Variants in ECM2 observed in about 807,000 individuals in gnomAD.
The protein encoded by ECM2 is extracellular matrix protein 2, female organ and adipocyte specific.
Under a neutral mutation model 67.5 loss-of-function variants are expected in ECM2, and 57 were observed. That is an observed-to-expected ratio of 0.84 (90% CI 0.68 to 1.05). The LOEUF is 1.05. Ranked by LOEUF, ECM2 falls within the 50% of genes least tolerant of loss-of-function variation. The pLI, the probability that ECM2 is intolerant of heterozygous loss-of-function variation, is 0.00. For synonymous variants in ECM2, 258 were observed against 294.5 expected, an observed-to-expected ratio of 0.88 and a Z score of 1.27; for missense variants, 741 against 822.8, an observed-to-expected ratio of 0.90 and a Z score of 1.22.
the ECM2 span, among the ~76,000 whole-genome samples, chr9:92,548,040 T>G: frequency 6.6e-6 from 1 of 152,234 alleles, no homozygotes; most frequent in Non-Finnish European, 1.5e-5. Context: ...CCAAAAGAAT[T>G]TTCAGATAAA....
chr9:92,559,041 C>T, the ECM2 span, among the ~76,000 whole-genome samples: 2 of 152,116 alleles, frequency 1.3e-5, no homozygotes, highest in Non-Finnish European at 2.9e-5. Flanking sequence ...AAAACTTACC[C>T]GAGGCTGTCC....
At chr9:92,498,475 C>T (rs763070875) in intron 9 of ECM2, among the ~76,000 whole-genome samples, 76 of 151,884 alleles carry the variant, frequency 5.0e-4, no homozygotes, top group Middle Eastern at 3.4e-3. Flanking sequence ...TAAAAAAAGA[C>T]AATCATAGAA....
the ECM2 span, among the ~76,000 whole-genome samples, chr9:92,551,925 G>GTGTA: frequency 2.2e-3 from 184 of 84,510 alleles, 10 homozygotes; most frequent in African/African-American, 8.0e-3. Flanking sequence ...TGGTGTGTGT[G>GTGTA]TATATATATA....
chr9:92,526,156 AG>A (rs1199429492), intron 1 of ECM2, among the ~76,000 whole-genome samples: 1 of 152,158 alleles, frequency 6.6e-6, no homozygotes, highest in Non-Finnish European at 1.5e-5. Context: ...CAAGATATGG[AG>A]GGGGAAGACA....
chr9:92,552,190 TACAC>T, the ECM2 span, among the ~76,000 whole-genome samples: 434 of 106,440 alleles, frequency 4.1e-3, 12 homozygotes, highest in African/African-American at 0.014. Flanking sequence ...ATCTATCATA[TACAC>T]ACACACACAC....
chr9:92,505,532 C>T lies in ECM2; in HGVS notation c.1464+1G>A. 6.3e-7 allele frequency: 1 copy of T among 1,588,348 alleles called. No individual in the cohort carries two copies. Among genetic ancestry groups the T allele is most frequent in the Non-Finnish European group, 8.5e-7 (1 of 1,172,296 alleles). On this transcript the variant is annotated splice_donor_variant, in intron 7 of 9. Transcript: ENST00000344604. LOFTEE classifies it high-confidence loss of function. ...AAAACACTAAAAAAATATATTGTTACCTCAATAGAACCAGGAAGACCCTGC... is the reference window on the plus strand; with the variant it reads ...AAAACACTAAAAAAATATATTGTTATCTCAATAGAACCAGGAAGACCCTGC...
chr9:92,541,880 G>A, the ECM2 span, among the ~76,000 whole-genome samples: 108 of 152,006 alleles, frequency 7.1e-4, no homozygotes, highest in African/African-American at 2.2e-3. Flanking sequence ...TGCAACCTCC[G>A]CCTCCCAGGT....
At chr9:92,514,527 A>C in intron 4 of ECM2, 104 bp downstream of exon 4, 1 of 1,435,606 alleles carries the variant, frequency 7.0e-7, no homozygotes, top group Non-Finnish European at 9.3e-7. Context: ...TGGCCACCTC[A>C]GCCTTTCAAA....
Position 92,514,651 on chromosome 9 carries a change from A to G in ECM2, c.1034T>C (p.Ile345Thr), listed in dbSNP as rs775195975. Residue 345 changes from isoleucine to threonine, a missense_variant, in exon 4 of 10, where the codon ATA becomes ACA. Physicochemically the swap from Ile to Thr is moderately conservative, Grantham distance 89. Transcript: ENST00000344604. ...CTTACCAGTGAGCTCCAGACTTGTTATCTGTGGTGCTGTCAGCGGTGGTAT... is the reference window on the plus strand; with the variant it reads ...CTTACCAGTGAGCTCCAGACTTGTTGTCTGTGGTGCTGTCAGCGGTGGTAT... The part of the protein sequence containing the change: ...TQIPPLTAPQ[I>T]TSLELTGNSI... 6 of 1,587,574 alleles carry G rather than the reference A, an allele frequency of 3.8e-6. No homozygotes were observed. The highest frequency in any genetic ancestry group is 5.2e-6 in the Non-Finnish European group (6 of 1,164,684).
At chr9:92,542,174 A>C in the ECM2 span, among the ~76,000 whole-genome samples, 1 of 152,196 alleles carries the variant, frequency 6.6e-6, no homozygotes, top group Non-Finnish European at 1.5e-5. Context: ...GAACCTCCAT[A>C]CAGTATTCTA....
the ECM2 span, among the ~76,000 whole-genome samples, chr9:92,546,910 T>TATA: frequency 6.6e-6 from 1 of 152,200 alleles, no homozygotes; most frequent in African/African-American, 2.4e-5. Context: ...CACAGGTCTC[T>TATA]ATATTCTTCA....
rs1014529131 is a variant in ECM2, at chr9:92,495,399, A to G, written c.*916T>C. On this transcript the variant is annotated 3_prime_UTR_variant, in exon 10 of 10. Coordinates refer to ENST00000344604, the MANE Select transcript of ECM2 (RefSeq NM_001393.4). ...CTTTATTTCAATTGAACCGAATAAA[A>G]TGATGTATTTCAGTAAATTAAGGCA... The G allele has an allele frequency of 3.0e-6, 3 of 984,918 alleles. No individual in the cohort carries two copies. In the African/African-American group the frequency reaches 5.2e-5, roughly 17 times the overall value. The allele number at this position is 984,918 out of a possible 1,614,324, so 61.0% of individuals were successfully genotyped here. A position where few individuals can be genotyped will look rare whatever the true frequency, so the allele number is the denominator to read the frequency against.
chr9:92,499,160 G>T (rs1300911110), intron 9 of ECM2, among the ~76,000 whole-genome samples: 3 of 152,194 alleles, frequency 2.0e-5, no homozygotes, highest in Non-Finnish European at 2.9e-5. Context: ...CCATTGTCCA[G>T]ATGACTGCAA....
At chr9:92,513,136 C>T (rs1335093656) in intron 4 of ECM2, among the ~76,000 whole-genome samples, 2 of 152,168 alleles carry the variant, frequency 1.3e-5, no homozygotes, top group Non-Finnish European at 2.9e-5. Flanking sequence ...GACGAATGCT[C>T]CTGCTGCTCC....
At chr9:92,493,925 G>A, downstream of ECM2, 1 of 531,058 alleles carries the variant, frequency 1.9e-6, no homozygotes, top group Non-Finnish European at 3.3e-6. Context: ...TGCTCCACAG[G>A]CACCGGTCTG....
chr9:92,529,418 A>G (rs936109623), intron 1 of ECM2, among the ~76,000 whole-genome samples: 4 of 152,304 alleles, frequency 2.6e-5, no homozygotes, highest in African/African-American at 7.2e-5. Context: ...AAAACTTAAC[A>G]TACTGTTGCC....
At chr9:92,511,960 A>G in intron 5 of ECM2, 51 bp downstream of exon 5, 1 of 1,382,408 alleles carries the variant, frequency 7.2e-7, no homozygotes. Context: ...AACCAATGCA[A>G]GTCATAGTGA....
At chr9:92,529,255 G>C (rs1440200017) in intron 1 of ECM2, among the ~76,000 whole-genome samples, 1 of 152,162 alleles carries the variant, frequency 6.6e-6, no homozygotes, top group East Asian at 1.9e-4. Flanking sequence ...ATTAAAATGA[G>C]ATGCCTCTAC....
In ECM2 at chr9:92,505,556, G is replaced by A. The variant is rs1274622873; in HGVS notation, c.1441C>T (p.Gln481Ter). 2 of 1,603,350 alleles carry A rather than the reference G, an allele frequency of 1.2e-6. No homozygotes were observed. The highest frequency in any genetic ancestry group is 1.1e-5 in the South Asian group (1 of 87,652). ...ACCTCAATAGAACCAGGAAGACCCT[G>A]CGGTATAATTCTAAATTTATTTTTT... ...LGKNKFRIIP[Q>*]GLPGSIEELY... is the part of the protein sequence containing the mutation. Residue 481 changes from glutamine (Q) to a stop codon, truncating the protein, a stop_gained, in exon 7 of 10, where the codon CAG becomes TAG. Transcript: ENST00000344604. LOFTEE classifies it high-confidence loss of function.
Sources: gnomAD v4.1 joint callset for allele counts (sites outside exome capture counted in the v4.1 genomes callset) on GRCh38, gnomAD v4.1.1 for gene constraint, MANE v1.5 for transcripts, NCBI Gene and HGNC (gene_info 2026-07-23, HGNC 2026-07-21) for gene names.